MKLN1: variants seen among roughly 807,000 people sequenced by gnomAD.
The protein encoded by MKLN1 is muskelin.
Under a neutral mutation model 99.0 loss-of-function variants are expected in MKLN1, and 18 were observed. That is an observed-to-expected ratio of 0.18 (90% CI 0.13 to 0.27). The LOEUF (loss-of-function observed/expected upper bound fraction) is 0.27. MKLN1 is among the 10% of genes least tolerant of loss of function. The pLI is 1.00. For synonymous variants in MKLN1, 288 were observed against 293.2 expected (o/e 0.98, Z 0.18); for missense variants, 621 against 875.9 (o/e 0.71, Z 3.67).
chr7:131,220,904 A>G (rs1013503983), intron 3 of MKLN1, among the ~76,000 whole-genome samples: 1 of 152,196 alleles, frequency 6.6e-6, no homozygotes. Context: ...ATGATATTAT[A>G]TAACATATTA....
At chr7:131,480,640 G>C (rs774589472) in intron 17 of MKLN1, among the ~76,000 whole-genome samples, 1 of 152,142 alleles carries the variant, frequency 6.6e-6, no homozygotes, top group Admixed American at 6.5e-5. Flanking sequence ...TCATACACTC[G>C]AGTTGAAGAC....
At chr7:131,207,148 T>C (rs1339153590) in intron 3 of MKLN1, among the ~76,000 whole-genome samples, 3 of 152,194 alleles carry the variant, frequency 2.0e-5, no homozygotes, top group African/African-American at 7.2e-5. Flanking sequence ...TTGTTTTCTA[T>C]AGGCAAGTCT....
intron 1 of MKLN1, 114 bp downstream of exon 1, chr7:131,328,111 G>A: frequency 1.6e-6 from 2 of 1,279,680 alleles, no homozygotes; most frequent in Non-Finnish European, 2.2e-6. Context: ...CCTGCTGAGG[G>A]GGACGTGCGG....
At chr7:131,450,678 C>T (rs1230766233) in intron 12 of MKLN1, among the ~76,000 whole-genome samples, 1 of 152,120 alleles carries the variant, frequency 6.6e-6, no homozygotes, top group African/African-American at 2.4e-5. Context: ...CATGCTATTC[C>T]TCCTACCTGA....
At chr7:131,126,050 ATTAAT>A (rs145416112) in intron 1 of MKLN1, among the ~76,000 whole-genome samples, 9,043 of 55,860 alleles carry the variant, frequency 0.16, 396 homozygotes, top group African/African-American at 0.21. Flanking sequence ...AAATAAATAA[ATTAAT>A]TAATTAATAA....
chr7:131,121,014 G>T (rs1381748949), intron 1 of MKLN1, among the ~76,000 whole-genome samples: 1 of 152,190 alleles, frequency 6.6e-6, no homozygotes, highest in African/African-American at 2.4e-5. Flanking sequence ...ATAAAGAAAA[G>T]AGCTTTAATC....
chr7:131,111,954 A>G (rs541558442), intron 1 of MKLN1, among the ~76,000 whole-genome samples: 6 of 152,164 alleles, frequency 3.9e-5, no homozygotes, highest in Admixed American at 6.5e-5. Context: ...AAACCCCATC[A>G]CTTTGTGTAC....
At chr7:131,208,237 A>G (rs1464126392) in intron 3 of MKLN1, among the ~76,000 whole-genome samples, 1 of 152,226 alleles carries the variant, frequency 6.6e-6, no homozygotes, top group Non-Finnish European at 1.5e-5. Context: ...TTGCTTATTC[A>G]TTGTGATGTC....
chr7:131,202,761 A>C (rs1308392554), intron 2 of MKLN1: 1 of 152,112 alleles, frequency 6.6e-6, no homozygotes, highest in African/African-American at 2.4e-5. Context: ...GCTAGTGTGG[A>C]GATCATGATT....
At chr7:131,337,795 A>G (rs950349142) in intron 1 of MKLN1, among the ~76,000 whole-genome samples, 1 of 151,188 alleles carries the variant, frequency 6.6e-6, no homozygotes, top group African/African-American at 2.4e-5. Flanking sequence ...ATAAATTATT[A>G]CATGTGGATA....
rs908495496 is a variant in MKLN1 at position 131,488,894 on chromosome 7, G to C, written c.*1166G>C. Reference sequence around the variant, plus strand: ...GGTATGGCAGATGGACTTTTCCATGGGTCAAATTTTTTGTGTGAGAGATAG... The same window carrying C: ...GGTATGGCAGATGGACTTTTCCATGCGTCAAATTTTTTGTGTGAGAGATAG... On this transcript the variant is annotated 3_prime_UTR_variant, in exon 18 of 18. Coordinates refer to ENST00000352689, the MANE Select transcript of MKLN1 (RefSeq NM_013255.5). The C allele has an allele frequency of 1.3e-5, 2 of 152,042 alleles. No homozygotes were observed. The highest frequency in any genetic ancestry group is 4.8e-5 in the African/African-American group (2 of 41,426). The allele number at this position is 152,042 out of a possible 1,614,324, so 9.4% of individuals were successfully genotyped here. A position where few individuals can be genotyped will look rare whatever the true frequency, so the allele number is the denominator to read the frequency against.
At chr7:131,185,423 C>A (rs377606166) in intron 2 of MKLN1, among the ~76,000 whole-genome samples, 31 of 143,540 alleles carry the variant, frequency 2.2e-4, no homozygotes, top group East Asian at 4.1e-4. Context: ...ACTAAAAATA[C>A]AAAAAAAAAA....
chr7:131,328,225 C>CG, intron 1 of MKLN1: 1 of 540,102 alleles, frequency 1.9e-6, no homozygotes, highest in South Asian at 2.4e-5. Flanking sequence ...AGGTGTGTGG[C>CG]GGATCCGGGG....
At chr7:131,331,726 A>C (rs1248719982) in intron 1 of MKLN1, among the ~76,000 whole-genome samples, 4 of 152,212 alleles carry the variant, frequency 2.6e-5, no homozygotes, top group African/African-American at 9.6e-5. Context: ...TGGCTATTGT[A>C]TATGTCTAAT....
rs1290932805 is a variant in MKLN1 at position 131,286,627 on chromosome 7, AT to A, written c.-179+83655del. ...TGGAAGGTTTCTTTCTCATTTACCA[AT>A]TACAGAATGTCCACTCTGTTTAAAG... is the stretch of plus-strand genomic sequence containing the variant. On this transcript the variant is annotated intron_variant, in intron 3 of 7. Transcript: ENST00000416992. Among the ~76,000 whole-genome samples the A allele has an allele frequency of 3.3e-5, 5 of 152,360 alleles. No homozygotes were observed. The East Asian group carries it at 9.6e-4, about 29-fold the overall frequency.
chr7:131,174,992 TA>T (rs1337430109), intron 2 of MKLN1, among the ~76,000 whole-genome samples: 2 of 150,778 alleles, frequency 1.3e-5, no homozygotes, highest in East Asian at 3.9e-4. Flanking sequence ...GATAGATAGA[TA>T]GATAGATAGA....
rs561032258 is a variant in MKLN1, at chr7:131,456,934, C to CAA, written c.1526-6272_1526-6271dup. On this transcript the variant is annotated intron_variant, in intron 12 of 17. Transcript: ENST00000352689. The stretch of plus-strand genomic sequence containing the variant: ...AGACAGTTGAGGACTACAACTGTCT[C>CAA]AAAAAAAAAAAATGAGTAAACTTAT... Among the ~76,000 whole-genome samples the CAA allele has an allele frequency of 9.9e-5, 14 of 142,036 alleles. No homozygotes were observed. In the East Asian group the frequency reaches 2.4e-3, roughly 25 times the overall value. 93.2% of individuals were successfully genotyped at this position (142,036 alleles called of 152,430 possible).
chr7:131,131,017 AC>A (rs1489963564), intron 1 of MKLN1, among the ~76,000 whole-genome samples: 1 of 130,012 alleles, frequency 7.7e-6, no homozygotes, highest in Admixed American at 9.2e-5. Context: ...ATGCCATTGC[AC>A]TCCAGCCTGG....
chr7:131,494,215 T>C lies in MKLN1; in HGVS notation c.*6487T>C, dbSNP rs1171231032. 2.0e-5 allele frequency: 3 copies of C among 152,208 alleles called. No individual in the cohort carries two copies. The highest frequency in any genetic ancestry group is 7.2e-5 in the African/African-American group (3 of 41,452). 9.4% of individuals were successfully genotyped at this position (152,208 alleles called of 1,614,324 possible). A position where few individuals can be genotyped will look rare whatever the true frequency, so the allele number is the denominator to read the frequency against. The stretch of plus-strand genomic sequence containing the variant: ...CAATAATGAGATCTGGGTTTGGCAT[T>C]AGAAGTATTTCATAATTTTGGTTTT... On this transcript the variant is annotated 3_prime_UTR_variant, in exon 18 of 18. Coordinates refer to ENST00000352689, the MANE Select transcript of MKLN1 (RefSeq NM_013255.5).
Sources: gnomAD v4.1 joint callset for allele counts (sites outside exome capture counted in the v4.1 genomes callset) on GRCh38, gnomAD v4.1.1 for gene constraint, MANE v1.5 for transcripts, NCBI Gene and HGNC (gene_info 2026-07-23, HGNC 2026-07-21) for gene names.